The following NOS3 variants were observed in gnomAD, a reference collection of about 807,000 sequenced individuals.
NOS3 encodes the protein NOS type III.
NOS3 carries 98 observed loss-of-function variants against 144.9 expected under a neutral mutation model. The ratio of observed to expected loss-of-function variants is 0.68; its 90% CI spans 0.57 to 0.80. The LOEUF is 0.80. Among genes scored for constraint, NOS3 ranks in the 30% least tolerant of loss-of-function variants. NOS3 has a pLI of 0.00. For missense variants in NOS3, 1,465 were observed against 1,656.4 expected, an observed-to-expected ratio of 0.88 and a Z score of 2.01; for synonymous variants, 714 against 702.4, an observed-to-expected ratio of 1.02 and a Z score of -0.26.
intron 1 of NOS3, among the ~76,000 whole-genome samples, chr7:150,992,301 G>C (rs772901183): frequency 2.0e-5 from 3 of 152,204 alleles, no homozygotes; most frequent in Non-Finnish European, 4.4e-5. Context: ...ATGGAAGCCA[G>C]ACTTGGGATC....
chr7:150,991,577 G>C (rs1257335126), intron 1 of NOS3, among the ~76,000 whole-genome samples: 1 of 152,214 alleles, frequency 6.6e-6, no homozygotes, highest in Admixed American at 6.5e-5. Flanking sequence ...GTTTTGGGTA[G>C]TGCCAAAGCG....
chr7:151,000,686 GA>G (rs1273233996), intron 10 of NOS3, 87 bp downstream of exon 10: 1 of 845,372 alleles, frequency 1.2e-6, no homozygotes, highest in Admixed American at 2.0e-5. Context: ...CAGCCATTTA[GA>G]AACTAGGGCA....
chr7:150,997,606 T>C (rs1314445088), intron 5 of NOS3, among the ~76,000 whole-genome samples: 3 of 152,154 alleles, frequency 2.0e-5, no homozygotes, highest in Non-Finnish European at 4.4e-5. Context: ...TCCTTCACCA[T>C]CACTGGCCGC....
rs774606332 is a variant in NOS3, at chr7:151,013,921, G to A, written c.3450+3G>A. 14 of 1,598,386 alleles carry A rather than the reference G, an allele frequency of 8.8e-6. No individual in the cohort carries two copies. The African/African-American group carries it at 1.9e-4, about 21-fold the overall frequency. ...GCGACGTCATCGGCGTGCTGCGGGT[G>A]CGGAGGGGCGGGCCGGGCCTGAGCG... On this transcript the variant is annotated splice_donor_region_variant and intron_variant, in intron 26 of 26. Transcript: ENST00000297494.
rs201144173 is a variant in NOS3, at chr7:150,995,342, G to A, written c.270+28G>A. Reference sequence around the variant, plus strand: ...AAGGCCGGCATGCCCTGTCCCCATCGTCTCCAGGGAAAGGGTGGGTAAGGC... The same window carrying A: ...AAGGCCGGCATGCCCTGTCCCCATCATCTCCAGGGAAAGGGTGGGTAAGGC... On this transcript the variant is annotated intron_variant, in intron 3 of 26. Transcript: ENST00000297494. 134 of 1,519,462 alleles carry A rather than the reference G, an allele frequency of 8.8e-5. No individual in the cohort carries two copies. The African/African-American group carries it at 1.1e-3, about 12-fold the overall frequency. The allele number at this position is 1,519,462 out of a possible 1,614,324, so 94.1% of individuals were successfully genotyped here.
In NOS3 at chr7:151,001,546, A is replaced by G. The variant is rs772063481; in HGVS notation, c.1431A>G (p.Pro477=). The change falls in exon 12 of 27, where the codon CCA becomes CCG. Residue 477 remains proline (P), a splice_region_variant and synonymous_variant. Coordinates refer to ENST00000297494, the MANE Select transcript of NOS3 (RefSeq NM_000603.5). The part of the protein sequence containing the change: ...YFLSPAFRYQ[P]DPWKGSAAKG... The stretch of plus-strand genomic sequence containing the variant: ...CCAACCCCATCATCTCTCTGCAGCC[A>G]GACCCCTGGAAGGGGAGTGCCGCCA... 6.2e-7 allele frequency: 1 copy of G among 1,613,966 alleles called. No individual in the cohort carries two copies. Among genetic ancestry groups the G allele is most frequent in the South Asian group, 1.1e-5 (1 of 91,086 alleles).
At position 151,014,305 on chromosome 7, in the gene NOS3, A is replaced by G. The variant is rs568163242; in HGVS notation, c.*136A>G. The stretch of plus-strand genomic sequence containing the variant: ...TGTCCAGAGGCTGCAAGGATTCAGC[A>G]TTATTCCTCCAGGAAGGAGCAAAAC... On this transcript the variant is annotated 3_prime_UTR_variant, in exon 27 of 27. Transcript: ENST00000297494. 135 of 947,670 alleles carry G rather than the reference A, an allele frequency of 1.4e-4. No individual in the cohort carries two copies. The highest frequency in any genetic ancestry group is 2.3e-4 in the Admixed American group (8 of 34,972). The allele number at this position is 947,670 out of a possible 1,614,324, so 58.7% of individuals were successfully genotyped here.
intron 20 of NOS3, 131 bp from the exon 21 acceptor site, chr7:151,009,984 A>C (rs1177558489): frequency 3.2e-6 from 2 of 627,988 alleles, no homozygotes; most frequent in East Asian, 5.5e-5. Context: ...CAATACACTG[A>C]GGCTACCTAG....
chr7:151,010,175 CTCTCACCTTCTTCCTGGACATCA>C lies in NOS3; in HGVS notation c.2574_2596del (p.Thr860ProfsTer164). 6.2e-7 allele frequency: 1 copy of C among 1,611,328 alleles called. No homozygotes were observed. Among genetic ancestry groups the C allele is most frequent in the South Asian group, 1.1e-5 (1 of 90,972 alleles). On this transcript the variant is annotated frameshift_variant, in exon 21 of 27. Coordinates refer to ENST00000297494, the MANE Select transcript of NOS3 (RefSeq NM_000603.5). LOFTEE classifies it high-confidence loss of function. ...CTGCCCCCGTGCACGCTGCGCCAGG[CTCTCACCTTCTTCCTGGACATCA>C]CCTCCCCACCCAGCCCTCAGCTCTT...
intron 17 of NOS3, among the ~76,000 whole-genome samples, chr7:151,007,743 T>C (rs1367978229): frequency 6.6e-6 from 1 of 152,246 alleles, no homozygotes; most frequent in Non-Finnish European, 1.5e-5. Flanking sequence ...ACCGCAGAAC[T>C]GGTCCCGGGC....
rs963828232 is a variant in NOS3, at chr7:151,013,891, G to A, written c.3423G>A (p.Glu1141=). The change falls in exon 26 of 27, where the codon GAG becomes GAA. Residue 1141 remains glutamate, a synonymous_variant. Coordinates refer to ENST00000297494, the MANE Select transcript of NOS3 (RefSeq NM_000603.5). ...LATEGDMELD[E]AGDVIGVLRD... Reference sequence around the variant, plus strand: ...CGGAGGGCGACATGGAGCTGGACGAGGCCGGCGACGTCATCGGCGTGCTGC... The same window carrying A: ...CGGAGGGCGACATGGAGCTGGACGAAGCCGGCGACGTCATCGGCGTGCTGC... The A allele has an allele frequency of 6.2e-7, 1 of 1,600,504 alleles. No individual in the cohort carries two copies. The highest frequency in any genetic ancestry group is 1.3e-5 in the African/African-American group (1 of 74,696).
At chr7:150,997,019 C>A in intron 5 of NOS3, 94 bp downstream of exon 5, 1 of 1,391,854 alleles carries the variant, frequency 7.2e-7, no homozygotes, top group Non-Finnish European at 9.6e-7. Context: ...GCTGGGAGGT[C>A]CCAAACTGTG....
chr7:151,012,622 G>C, intron 24 of NOS3, 150 bp downstream of exon 24: 1 of 930,382 alleles, frequency 1.1e-6, no homozygotes, highest in Non-Finnish European at 1.6e-6. Context: ...GGGAGGGCAG[G>C]TACCAAAGGC....
chr7:151,002,237 A>C lies in NOS3; in HGVS notation c.1685A>C (p.Glu562Ala). The change falls in exon 14 of 27, where the codon GAA becomes GCA. Residue 562 changes from glutamate to alanine, a missense_variant. Coordinates refer to ENST00000297494, the MANE Select transcript of NOS3 (RefSeq NM_000603.5). The surrounding 1 kb of genome is among the most constrained non-coding windows in gnomAD (Gnocchi z 4.1). ...GATGAGTATGACGTGGTGTCCCTCG[A>C]ACACGAGACGCTGGTGCTGGTGGTA... ...CMDEYDVVSLEHETLVLVVTS... is the reference protein window; with the variant it reads ...CMDEYDVVSLAHETLVLVVTS... The C allele has an allele frequency of 6.2e-7, 1 of 1,601,788 alleles. No individual in the cohort carries two copies. The highest frequency in any genetic ancestry group is 8.5e-7 in the Non-Finnish European group (1 of 1,174,166).
intron 24 of NOS3, 149 bp downstream of exon 24, chr7:151,012,621 G>C (rs1795330871): frequency 3.2e-6 from 3 of 930,488 alleles, no homozygotes; most frequent in South Asian, 3.6e-5. Flanking sequence ...GGGGAGGGCA[G>C]GTACCAAAGG....
At position 150,998,380 on chromosome 7, in the gene NOS3, G is replaced by A; in HGVS notation, c.606G>A (p.Arg202=). The stretch of plus-strand genomic sequence containing the variant: ...AGGTGTTCGATGCCCGGGACTGCAG[G>A]TCTGCACAGGAAATGTTCACCTACA... ...KLQVFDARDC[R]SAQEMFTYIC... is the part of the protein sequence containing the mutation. The change falls in exon 6 of 27, where the codon AGG becomes AGA. Residue 202 remains arginine, a synonymous_variant. Coordinates refer to ENST00000297494, the MANE Select transcript of NOS3 (RefSeq NM_000603.5). This position sits in a 1 kb window ranked among gnomAD's most constrained non-coding sequence, Gnocchi z 5.0. The A allele has an allele frequency of 6.2e-7, 1 of 1,612,384 alleles. No individual in the cohort carries two copies. Among genetic ancestry groups the A allele is most frequent in the Non-Finnish European group, 8.5e-7 (1 of 1,179,860 alleles).
At chr7:151,012,600 C>T in intron 24 of NOS3, 128 bp downstream of exon 24, 1 of 1,203,360 alleles carries the variant, frequency 8.3e-7, no homozygotes. Context: ...AAAAGACGCT[C>T]ATGAGACCAA....
At position 151,005,900 on chromosome 7, in the gene NOS3, C is replaced by A. The variant is rs750928247; in HGVS notation, c.1753-527C>A. On this transcript the variant is annotated intron_variant, in intron 14 of 26. Coordinates refer to ENST00000297494, the MANE Select transcript of NOS3 (RefSeq NM_000603.5). Reference sequence around the variant, plus strand: ...AAAATTAACCAAGAGTGGTGGCACGCACCTATAGATCTAGCTACTAGGAAG... The same window carrying A: ...AAAATTAACCAAGAGTGGTGGCACGAACCTATAGATCTAGCTACTAGGAAG... 3.3e-5 allele frequency among the ~76,000 whole-genome samples: 5 copies of A among 152,172 alleles called. No individual in the cohort carries two copies. The South Asian group carries it at 1.0e-3, about 31-fold the overall frequency.
chr7:150,998,306 AC>A lies in NOS3; in HGVS notation c.583-45del, dbSNP rs766137385. 3.3e-6 allele frequency: 5 copies of A among 1,530,152 alleles called. No homozygotes were observed. Among genetic ancestry groups the A allele is most frequent in the African/African-American group, 2.8e-5 (2 of 72,448 alleles). 94.8% of individuals were successfully genotyped at this position (1,530,152 alleles called of 1,614,324 possible). A position where few individuals can be genotyped will look rare whatever the true frequency, so the allele number is the denominator to read the frequency against. ...AGCTCCTCTGGAGCTGATACTCAAGACCCCCCGTCTCTCTCCTCACCCTCCT... is the reference window on the plus strand; with the variant it reads ...AGCTCCTCTGGAGCTGATACTCAAGACCCCCGTCTCTCTCCTCACCCTCCT... On this transcript the variant is annotated intron_variant, in intron 5 of 26. Coordinates refer to ENST00000297494, the MANE Select transcript of NOS3 (RefSeq NM_000603.5). This position sits in a 1 kb window ranked among gnomAD's most constrained non-coding sequence, Gnocchi z 5.0.
Sources: gnomAD v4.1 joint callset for allele counts (sites outside exome capture counted in the v4.1 genomes callset) on GRCh38, gnomAD v4.1.1 for gene constraint, Gnocchi (gnomAD v3.1) non-coding constraint, MANE v1.5 for transcripts, NCBI Gene and HGNC (gene_info 2026-07-23, HGNC 2026-07-21) for gene names.